PRPF6: variants seen among roughly 807,000 people sequenced by gnomAD.
The protein encoded by PRPF6 is pre-mRNA processing factor 6, also known as pre-mRNA-processing factor 6.
PRPF6 carries 42 observed loss-of-function variants against 118.3 expected under a neutral mutation model. That is an observed-to-expected ratio of 0.35 (90% CI 0.28 to 0.46). The LOEUF (loss-of-function observed/expected upper bound fraction) is 0.46. Among genes scored for constraint, PRPF6 ranks in the 20% least tolerant of loss-of-function variants. PRPF6 has a pLI of 1.00. For missense variants in PRPF6, 662 were observed against 1,255.7 expected (o/e 0.53, Z 7.15); for synonymous variants, 481 against 485.1 (o/e 0.99, Z 0.11).
intron 9 of PRPF6, among the ~76,000 whole-genome samples, chr20:64,002,133 C>T (rs1369479727): frequency 2.7e-5 from 4 of 145,956 alleles, no homozygotes; most frequent in Admixed American, 2.1e-4. Flanking sequence ...ATTCTCCTGC[C>T]TCAGCCTCCT....
intron 8 of PRPF6, 55 bp downstream of exon 8, chr20:63,999,814 C>A (rs185605916): frequency 8.2e-6 from 13 of 1,594,362 alleles, no homozygotes; most frequent in East Asian, 4.5e-5. Context: ...GTGGCCCCTA[C>A]GGGAGTAAAC....
At chr20:64,025,856 G>C (rs2059287282) in intron 14 of PRPF6, 83 bp from the exon 15 acceptor site, 1 of 1,609,464 alleles carries the variant, frequency 6.2e-7, no homozygotes, top group South Asian at 1.1e-5. Context: ...CTCAGTTCCT[G>C]CCTGCCTGCT....
rs780962839 is a variant in PRPF6 at position 64,026,969 on chromosome 20, G to A, written c.2029-13G>A. ...GCTGATGCCCTGCGTGACAGTGCAT[G>A]TCTGCCCCACAGGTGTTCATGAAGT... On this transcript the variant is annotated splice_polypyrimidine_tract_variant and intron_variant, in intron 15 of 20. Transcript: ENST00000266079. This position sits in a 1 kb window ranked among gnomAD's most constrained non-coding sequence, Gnocchi z 4.4. 1 of 1,613,774 alleles carries A rather than the reference G, an allele frequency of 6.2e-7. No homozygotes were observed. The highest frequency in any genetic ancestry group is 8.5e-7 in the Non-Finnish European group (1 of 1,180,022).
At chr20:64,024,778 A>G in intron 14 of PRPF6, 85 bp downstream of exon 14, 1 of 1,541,530 alleles carries the variant, frequency 6.5e-7, no homozygotes, top group South Asian at 1.2e-5. Flanking sequence ...AATCTCCCAC[A>G]TACAATGTGG....
In PRPF6 at chr20:64,009,861, A is replaced by G. The variant is rs76135242; in HGVS notation, c.1187-339A>G. 3.3e-5 allele frequency among the ~76,000 whole-genome samples: 5 copies of G among 152,332 alleles called. No homozygotes were observed. The East Asian group carries it at 7.7e-4, about 24-fold the overall frequency. ...AGTTTTGCCTCTTTTCAGACGTCAC[A>G]TAAAGGGAGTCATATAGTATAAACT... On this transcript the variant is annotated intron_variant, in intron 9 of 20. Coordinates refer to ENST00000266079, the MANE Select transcript of PRPF6 (RefSeq NM_012469.4).
Position 64,029,733 on chromosome 20 carries a change from C to T in PRPF6, c.2546+242C>T, listed in dbSNP as rs926831886. On this transcript the variant is annotated intron_variant, in intron 19 of 20. Coordinates refer to ENST00000266079, the MANE Select transcript of PRPF6 (RefSeq NM_012469.4). This position sits in a 1 kb window ranked among gnomAD's most constrained non-coding sequence, Gnocchi z 4.8. ...ATGTGATTCACACTGGTGCGCTGGC[C>T]GCCGGGTCACAGACTCACTGGGGAC... Among the ~76,000 whole-genome samples the T allele has an allele frequency of 1.8e-5, 2 of 112,778 alleles. No homozygotes were observed. The highest frequency in any genetic ancestry group is 4.0e-5 in the Non-Finnish European group (2 of 49,410). 74.0% of individuals were successfully genotyped at this position (112,778 alleles called of 152,430 possible).
In PRPF6 at chr20:64,027,650, G is replaced by T. The variant is rs142435866; in HGVS notation, c.2253G>T (p.Arg751=). 65 of 1,614,000 alleles carry T rather than the reference G, an allele frequency of 4.0e-5. No individual in the cohort carries two copies. The African/African-American group carries it at 8.4e-4, about 21-fold the overall frequency. The change falls in exon 17 of 21, where the codon CGG becomes CGT. Residue 751 remains arginine, a synonymous_variant. Transcript: ENST00000266079. This position sits in a 1 kb window ranked among gnomAD's most constrained non-coding sequence, Gnocchi z 6.5. ...CACCCCTGTGGCTTTTGCTCTCTCG[G>T]CTGGAGGAGAAGATTGGGCAGCTTA... ...HSTPLWLLLS[R]LEEKIGQLTR...
At chr20:64,019,939 T>C (rs1453965727) in intron 12 of PRPF6, among the ~76,000 whole-genome samples, 2 of 152,250 alleles carry the variant, frequency 1.3e-5, no homozygotes, top group Non-Finnish European at 2.9e-5. Flanking sequence ...CTTCCTCTCG[T>C]AGAAGGCAGC....
chr20:64,032,831 G>A lies in PRPF6; in HGVS notation c.2674-10G>A. The A allele has an allele frequency of 6.2e-7, 1 of 1,603,678 alleles. No individual in the cohort carries two copies. Among genetic ancestry groups the A allele is most frequent in the Middle Eastern group, 1.7e-4 (1 of 6,016 alleles). ...GGACCCCTGCCTGACGTGCCCTGTG[G>A]TCCCCCCAGGAGCAGCAGGAGGAGG... On this transcript the variant is annotated splice_polypyrimidine_tract_variant and intron_variant, in intron 20 of 20. Transcript: ENST00000266079.
At chr20:63,981,358 C>G in intron 1 of PRPF6, 42 bp downstream of exon 1, 1 of 1,534,616 alleles carries the variant, frequency 6.5e-7, no homozygotes, top group South Asian at 1.2e-5. Flanking sequence ...GACCCGGCTA[C>G]AGGAGCGCAG....
intron 12 of PRPF6, among the ~76,000 whole-genome samples, chr20:64,017,162 T>G (rs955900019): frequency 6.6e-6 from 1 of 152,240 alleles, no homozygotes; most frequent in East Asian, 1.9e-4. Context: ...CAGGATGGTC[T>G]TAATCTCCTG....
intron 13 of PRPF6, among the ~76,000 whole-genome samples, chr20:64,023,723 C>G (rs1353648649): frequency 6.6e-6 from 1 of 152,234 alleles, no homozygotes; most frequent in Non-Finnish European, 1.5e-5. Context: ...TGGTGCCCCT[C>G]TGTAGAAGGT....
chr20:63,998,989 A>G (rs1338492804), intron 6 of PRPF6, 56 bp from the exon 7 acceptor site: 2 of 1,355,048 alleles, frequency 1.5e-6, no homozygotes, highest in Non-Finnish European at 2.1e-6. Context: ...CCCTCTGAGA[A>G]CTTTGTTTTG....
chr20:63,990,739 G>C (rs1376225957), intron 3 of PRPF6, among the ~76,000 whole-genome samples: 4 of 151,720 alleles, frequency 2.6e-5, no homozygotes, highest in Admixed American at 2.6e-4. Flanking sequence ...CCGCCTCCAG[G>C]GTTCAAGTGA....
In PRPF6 at chr20:63,984,400, G is replaced by A. The variant is rs6011243; in HGVS notation, c.241-507G>A. Among the ~76,000 whole-genome samples the A allele has an allele frequency of 2.6e-3, 400 of 151,666 alleles. 2 individuals carry two copies. Among genetic ancestry groups the A allele is most frequent in the African/African-American group, 9.3e-3 (386 of 41,284 alleles). On this transcript the variant is annotated intron_variant, in intron 2 of 20. Transcript: ENST00000266079. ...TGCGCCACTGCACTCCAGCCTTGGC[G>A]AGAGTGCGAGACTCTGTCTCAGAAA...
chr20:64,026,235 G>C lies in PRPF6; in HGVS notation c.2028+177G>C, dbSNP rs559270556. 6.6e-6 allele frequency among the ~76,000 whole-genome samples: 1 copy of C among 151,818 alleles called. No individual in the cohort carries two copies. The highest frequency in any genetic ancestry group is 2.1e-4 in the South Asian group (1 of 4,818). ...GTGGCCGGGCGTGGTGGCCGGGCGC[G>C]GTGGCTCACGCCTGTAATCTCAGCA... On this transcript the variant is annotated intron_variant, in intron 15 of 20. Transcript: ENST00000266079. This position sits in a 1 kb window ranked among gnomAD's most constrained non-coding sequence, Gnocchi z 4.4.
chr20:64,028,347 G>C lies in PRPF6; in HGVS notation c.2340-131G>C, dbSNP rs2059300718. Reference sequence around the variant, plus strand: ...CTTGTTTCTGTGGTGGATGAGCTCTGCTGTGGAGGGAATGGAGTTTTTGCT... The same window carrying C: ...CTTGTTTCTGTGGTGGATGAGCTCTCCTGTGGAGGGAATGGAGTTTTTGCT... On this transcript the variant is annotated intron_variant, in intron 17 of 20. Transcript: ENST00000266079. The surrounding 1 kb of genome is among the most constrained non-coding windows in gnomAD (Gnocchi z 6.5). 17 of 927,742 alleles carry C rather than the reference G, an allele frequency of 1.8e-5. No homozygotes were observed. In the South Asian group the frequency reaches 2.4e-4, roughly 13 times the overall value. The allele number at this position is 927,742 out of a possible 1,614,324, so 57.5% of individuals were successfully genotyped here.
At chr20:64,019,304 G>A (rs531059213) in intron 12 of PRPF6, among the ~76,000 whole-genome samples, 16 of 151,734 alleles carry the variant, frequency 1.1e-4, no homozygotes, top group African/African-American at 3.6e-4. Context: ...ATGAGGTTTC[G>A]CCATGTTGGC....
Position 64,027,555 on chromosome 20 carries a change from G to C in PRPF6, c.2206-48G>C. The stretch of plus-strand genomic sequence containing the variant: ...AGAAGCTGGGCATGGCTGTGTCCCA[G>C]TTCTTCATAGACACCACCTGAGCTG... On this transcript the variant is annotated intron_variant, in intron 16 of 20. Transcript: ENST00000266079. The surrounding 1 kb of genome is among the most constrained non-coding windows in gnomAD (Gnocchi z 6.5). 6.2e-7 allele frequency: 1 copy of C among 1,613,756 alleles called. No individual in the cohort carries two copies. Among genetic ancestry groups the C allele is most frequent in the Non-Finnish European group, 8.5e-7 (1 of 1,179,852 alleles).
Sources: gnomAD v4.1 joint callset for allele counts (sites outside exome capture counted in the v4.1 genomes callset) on GRCh38, gnomAD v4.1.1 for gene constraint, Gnocchi (gnomAD v3.1) non-coding constraint, MANE v1.5 for transcripts, NCBI Gene and HGNC (gene_info 2026-07-23, HGNC 2026-07-21) for gene names.